Variants in ME3 observed in about 807,000 individuals in gnomAD.
The protein encoded by ME3 is malic enzyme 3, also known as NADP-dependent malic enzyme, mitochondrial.
A neutral mutation model predicts 68.9 loss-of-function variants in ME3; 48 were observed. The ratio of observed to expected loss-of-function variants is 0.70; its 90% confidence interval spans 0.55 to 0.89. The LOEUF is 0.89. Among genes scored for constraint, ME3 ranks in the 40% least tolerant of loss-of-function variants. The pLI is 0.00. For missense variants in ME3, 675 were observed against 797.4 expected, an observed-to-expected ratio of 0.85 and a Z score of 1.85; for synonymous variants, 320 against 318.8, an observed-to-expected ratio of 1.00 and a Z score of -0.04.
intron 2 of ME3, among the ~76,000 whole-genome samples, chr11:86,613,394 C>G (rs941295649): frequency 6.6e-6 from 1 of 152,170 alleles, no homozygotes; most frequent in Non-Finnish European, 1.5e-5. Context: ...GAAGCATTCC[C>G]TTTGAAAACT....
At chr11:86,529,724 A>G (rs544843669) in intron 4 of ME3, among the ~76,000 whole-genome samples, 1 of 152,380 alleles carries the variant, frequency 6.6e-6, no homozygotes, top group East Asian at 1.9e-4. Flanking sequence ...AATAACTGTA[A>G]TCTAGCATAT....
chr11:86,504,791 A>T (rs1412351826), intron 5 of ME3, among the ~76,000 whole-genome samples: 1 of 152,082 alleles, frequency 6.6e-6, no homozygotes, highest in African/African-American at 2.4e-5. Flanking sequence ...CCCGGGTTCA[A>T]GCTATTCTCC....
exon 15 of ME3, chr11:86,441,395 C>G: frequency 1.9e-6 from 3 of 1,611,448 alleles, no homozygotes; most frequent in Non-Finnish European, 2.5e-6. Flanking sequence ...TCCTTAGGCT[C>G]TGGGTAGTAG....
At chr11:86,627,672 T>C (rs1943748020) in intron 2 of ME3, among the ~76,000 whole-genome samples, 1 of 152,126 alleles carries the variant, frequency 6.6e-6, no homozygotes, top group South Asian at 2.1e-4. Context: ...CTCTGAAGGA[T>C]TCAGTATCAA....
intron 7 of ME3, among the ~76,000 whole-genome samples, chr11:86,485,490 G>A (rs1242087552): frequency 6.6e-6 from 1 of 152,082 alleles, no homozygotes; most frequent in Non-Finnish European, 1.5e-5. Flanking sequence ...TTATTTAGTG[G>A]CCATATCCCA....
At chr11:86,613,925 A>G (rs1210658644) in intron 2 of ME3, among the ~76,000 whole-genome samples, 9 of 152,220 alleles carry the variant, frequency 5.9e-5, no homozygotes. Context: ...TGCTATACCC[A>G]TCAAACTACC....
chr11:86,521,431 A>ATAATAATAATAATAATAAT (rs1555221577), intron 4 of ME3, among the ~76,000 whole-genome samples: 3,254 of 145,610 alleles, frequency 0.022, 65 homozygotes, highest in Middle Eastern at 0.035. Context: ...AACAAAACAA[A>ATAATAATAATAATAATAAT]AATAATAATA....
chr11:86,509,395 TCATCACA>T (rs1161364655), intron 4 of ME3, among the ~76,000 whole-genome samples: 1 of 84,242 alleles, frequency 1.2e-5, no homozygotes, highest in Non-Finnish European at 2.5e-5. Context: ...AGCTACTCCA[TCATCACA>T]CACACACACA....
Position 86,575,298 on chromosome 11 carries a change from C to T in ME3, c.184-15475G>A, listed in dbSNP as rs1385329912. 4.1e-5 allele frequency among the ~76,000 whole-genome samples: 6 copies of T among 146,738 alleles called. 2 individuals carry two copies. On this transcript the variant is annotated intron_variant, in intron 2 of 14. Transcript: ENST00000543262. ...TGGTTCCAAGTTACTAGGATAAATG[C>T]GGCAAAGATGTAGAGGGTCCACTTT...
chr11:86,528,114 T>A (rs1420811157), intron 4 of ME3, among the ~76,000 whole-genome samples: 1 of 152,124 alleles, frequency 6.6e-6, no homozygotes, highest in Admixed American at 6.5e-5. Context: ...GAAACCCATC[T>A]CACGTGCATA....
At chr11:86,534,081 G>GTATATATATA (rs57566563) in intron 4 of ME3, among the ~76,000 whole-genome samples, 16 of 127,506 alleles carry the variant, frequency 1.3e-4, no homozygotes, top group African/African-American at 5.1e-4. Flanking sequence ...GTGTGTGTGT[G>GTATATATATA]TATATATATA....
intron 7 of ME3, among the ~76,000 whole-genome samples, chr11:86,474,060 T>C (rs1365508605): frequency 6.6e-6 from 1 of 152,138 alleles, no homozygotes; most frequent in Non-Finnish European, 1.5e-5. Flanking sequence ...GGAGCTCCAC[T>C]TGGCACGGAA....
chr11:86,533,448 A>C (rs193032954), intron 4 of ME3, among the ~76,000 whole-genome samples: 3 of 152,316 alleles, frequency 2.0e-5, no homozygotes. Flanking sequence ...AATCATGAAG[A>C]AATAGAAAAT....
At chr11:86,479,340 C>T (rs916584814) in intron 7 of ME3, among the ~76,000 whole-genome samples, 3 of 152,180 alleles carry the variant, frequency 2.0e-5, no homozygotes, top group Admixed American at 6.5e-5. Flanking sequence ...ATTTCTTTAC[C>T]TCCATCATCA....
intron 2 of ME3, 35 bp downstream of exon 2, chr11:86,671,727 C>G (rs776476479): frequency 1.3e-6 from 2 of 1,591,728 alleles, no homozygotes; most frequent in Admixed American, 1.8e-5. Context: ...GCCACGGGAT[C>G]GCAACGCGGG....
chr11:86,633,958 G>T (rs1944173813), intron 2 of ME3, among the ~76,000 whole-genome samples: 1 of 152,144 alleles, frequency 6.6e-6, no homozygotes, highest in African/African-American at 2.4e-5. Flanking sequence ...GGTGCCTTTG[G>T]AGTCCAGATA....
At chr11:86,544,029 A>G (rs564259482) in intron 4 of ME3, among the ~76,000 whole-genome samples, 2 of 149,622 alleles carry the variant, frequency 1.3e-5, no homozygotes, top group South Asian at 4.2e-4. Flanking sequence ...CTACATGTAA[A>G]CTGAACAAAC....
downstream of ME3, among the ~76,000 whole-genome samples, chr11:86,439,740 A>G (rs192894368): frequency 6.6e-6 from 1 of 152,328 alleles, no homozygotes; most frequent in East Asian, 1.9e-4. Context: ...GATCTTTTCA[A>G]AGAACCTATT....
intron 6 of ME3, among the ~76,000 whole-genome samples, chr11:86,493,020 C>T (rs1952092603): frequency 6.6e-6 from 1 of 152,122 alleles, no homozygotes; most frequent in Non-Finnish European, 1.5e-5. Context: ...CTCAGCTAAG[C>T]CTGGGGTAAG....
Sources: allele counts gnomAD v4.1 joint callset (sites outside exome capture counted in the v4.1 genomes callset), GRCh38; gene constraint gnomAD v4.1.1; transcripts MANE v1.5; gene names NCBI Gene and HGNC (gene_info 2026-07-23, HGNC 2026-07-21).